INTS4: variants seen among roughly 807,000 people sequenced by gnomAD.
INTS4 encodes the protein integrator complex subunit 4.
A neutral mutation model predicts 119.5 loss-of-function variants in INTS4; 70 were observed. The ratio of observed to expected loss-of-function variants is 0.59; its 90% confidence interval spans 0.48 to 0.71. The LOEUF is 0.71. Among genes scored for constraint, INTS4 ranks in the 30% least tolerant of loss-of-function variants. The pLI is 0.00. For missense variants in INTS4, 867 were observed against 1,173.2 expected (o/e 0.74, Z 3.81); for synonymous variants, 316 against 419.6 (o/e 0.75, Z 3.02).
At chr11:77,947,018 T>C (rs552056982) in intron 8 of INTS4, among the ~76,000 whole-genome samples, 112 of 149,142 alleles carry the variant, frequency 7.5e-4, no homozygotes, top group African/African-American at 2.4e-3. Flanking sequence ...AAAAATAGTA[T>C]ACAATTGAGA....
At chr11:77,877,187 G>A (rs543186249), downstream of INTS4, 180 of 588,694 alleles carry the variant, frequency 3.1e-4, 1 homozygote, top group South Asian at 2.8e-3. Context: ...TGTGACCTAG[G>A]ACAGGTTACT....
intron 3 of INTS4, among the ~76,000 whole-genome samples, chr11:77,980,645 T>C (rs547151865): frequency 6.6e-6 from 1 of 152,334 alleles, no homozygotes; most frequent in African/African-American, 2.4e-5. Context: ...TCCCAAAGTT[T>C]TGGTATTACA....
intron 2 of INTS4, among the ~76,000 whole-genome samples, chr11:77,989,870 G>A (rs1314335139): frequency 6.6e-6 from 1 of 152,130 alleles, no homozygotes; most frequent in African/African-American, 2.4e-5. Flanking sequence ...CTGCACTCCC[G>A]CCTGGGCGAG....
chr11:77,936,352 A>G (rs1953790382), intron 10 of INTS4, among the ~76,000 whole-genome samples: 1 of 152,192 alleles, frequency 6.6e-6, no homozygotes. Context: ...GTATGTTAAG[A>G]AAGACATGGT....
rs773833890 is a variant in INTS4 at position 77,961,141 on chromosome 11, A to AT, written c.472-4dup. The AT allele has an allele frequency of 1.8e-5, 23 of 1,253,400 alleles. No individual in the cohort carries two copies. Among genetic ancestry groups the AT allele is most frequent in the Middle Eastern group, 2.1e-4 (1 of 4,714 alleles). 77.6% of individuals were successfully genotyped at this position (1,253,400 alleles called of 1,614,324 possible). A position where few individuals can be genotyped will look rare whatever the true frequency, so the allele number is the denominator to read the frequency against. Reference sequence around the variant, plus strand: ...CCATGAGACGTATCTGTCAGATGCTATTAAAAAAAAAAAAAAAAAGAAAAA... The same window carrying AT: ...CCATGAGACGTATCTGTCAGATGCTATTTAAAAAAAAAAAAAAAAAGAAAAA... On this transcript the variant is annotated splice_region_variant and splice_polypyrimidine_tract_variant and intron_variant, in intron 4 of 22. Coordinates refer to ENST00000534064, the MANE Select transcript of INTS4 (RefSeq NM_033547.4).
At chr11:77,888,130 A>G (rs1314804875) in intron 21 of INTS4, among the ~76,000 whole-genome samples, 1 of 152,234 alleles carries the variant, frequency 6.6e-6, no homozygotes, top group African/African-American at 2.4e-5. Flanking sequence ...ATCCTAAGCC[A>G]AAAGAACAAA....
At chr11:77,948,094 C>T (rs1189394498) in intron 8 of INTS4, among the ~76,000 whole-genome samples, 1 of 152,100 alleles carries the variant, frequency 6.6e-6, no homozygotes, top group Non-Finnish European at 1.5e-5. Context: ...AGTGATCTGC[C>T]TGCCTCAGCC....
chr11:77,991,316 A>T lies in INTS4; in HGVS notation c.55-17T>A. ...CTCCTGTGGCTGCAAGGGGTAGAGA[A>T]AATCGAAAACACAGAATCTGCAAAT... On this transcript the variant is annotated splice_polypyrimidine_tract_variant and intron_variant, in intron 1 of 22. Transcript: ENST00000534064. 6.3e-7 allele frequency: 1 copy of T among 1,596,560 alleles called. No homozygotes were observed. The highest frequency in any genetic ancestry group is 8.6e-7 in the Non-Finnish European group (1 of 1,167,022).
At chr11:77,911,110 T>G in intron 15 of INTS4, 1 of 1,274,412 alleles carries the variant, frequency 7.8e-7, no homozygotes, top group African/African-American at 1.5e-5. Context: ...GTTACGATAG[T>G]TAACGATGCC....
At chr11:77,918,280 A>G (rs775888790) in intron 15 of INTS4, 31 of 578,168 alleles carry the variant, frequency 5.4e-5, no homozygotes, top group Non-Finnish European at 8.5e-5. Context: ...AAAAAAAAAA[A>G]GCCAAAATTA....
intron 4 of INTS4, among the ~76,000 whole-genome samples, chr11:77,970,905 A>G (rs1855703828): frequency 6.6e-6 from 1 of 151,880 alleles, no homozygotes; most frequent in African/African-American, 2.4e-5. Flanking sequence ...TCCACCTCCC[A>G]GGTTCGAGCC....
intron 13 of INTS4, among the ~76,000 whole-genome samples, chr11:77,921,727 A>T (rs1189713597): frequency 6.6e-6 from 1 of 152,240 alleles, no homozygotes; most frequent in African/African-American, 2.4e-5. Context: ...AAGCAACTAT[A>T]TTGCCTATCA....
chr11:77,904,405 A>T (rs762452533), intron 16 of INTS4, among the ~76,000 whole-genome samples: 34 of 152,350 alleles, frequency 2.2e-4, no homozygotes, highest in African/African-American at 4.8e-4. Flanking sequence ...TTAATTTTTT[A>T]AAAAAGTTTA....
At chr11:77,990,672 C>T (rs559278332) in intron 2 of INTS4, among the ~76,000 whole-genome samples, 241 of 124,116 alleles carry the variant, frequency 1.9e-3, no homozygotes, top group Middle Eastern at 4.9e-3. Flanking sequence ...GGCAACAGAG[C>T]GAGACTCTGT....
chr11:77,980,971 A>T (rs916684307), intron 3 of INTS4, among the ~76,000 whole-genome samples: 1 of 150,350 alleles, frequency 6.7e-6, no homozygotes, highest in South Asian at 2.1e-4. Flanking sequence ...CCAGCCTGGG[A>T]GACAGAGCGA....
chr11:77,886,805 C>T (rs150096799), intron 21 of INTS4, among the ~76,000 whole-genome samples: 7 of 152,084 alleles, frequency 4.6e-5, no homozygotes, highest in Non-Finnish European at 8.8e-5. Context: ...CACTCAAAAC[C>T]GCTCAACTAC....
At chr11:77,931,816 C>T (rs1007997527) in intron 10 of INTS4, among the ~76,000 whole-genome samples, 3 of 152,158 alleles carry the variant, frequency 2.0e-5, no homozygotes, top group African/African-American at 7.2e-5. Flanking sequence ...CTTTCACAAA[C>T]CTGACAAAAA....
At chr11:77,977,275 AAT>A (rs1183085041) in intron 4 of INTS4, among the ~76,000 whole-genome samples, 1 of 152,096 alleles carries the variant, frequency 6.6e-6, no homozygotes, top group Non-Finnish European at 1.5e-5. Context: ...TAAATTCAGT[AAT>A]AGGTGAATAG....
chr11:77,892,118 ATT>A (rs963640094), intron 19 of INTS4, among the ~76,000 whole-genome samples: 2 of 152,208 alleles, frequency 1.3e-5, no homozygotes, highest in African/African-American at 4.8e-5. Flanking sequence ...CATCATTAGA[ATT>A]TTTATTTTCG....
Sources: allele counts gnomAD v4.1 joint callset (sites outside exome capture counted in the v4.1 genomes callset), GRCh38; gene constraint gnomAD v4.1.1; transcripts MANE v1.5; gene names NCBI Gene and HGNC (gene_info 2026-07-23, HGNC 2026-07-21).